Variants in CPD observed in about 807,000 individuals in gnomAD.
The protein encoded by CPD is metallocarboxypeptidase D.
A neutral mutation model predicts 138.3 loss-of-function variants in CPD; 69 were observed. The observed-to-expected ratio is 0.50, with a 90% CI of 0.41 to 0.61. The LOEUF (loss-of-function observed/expected upper bound fraction) is 0.61. CPD is among the 20% of genes least tolerant of loss of function. The pLI, the probability that CPD is intolerant of heterozygous loss-of-function variation, is 0.00. For synonymous variants in CPD, 651 were observed against 642.1 expected (o/e 1.01, Z -0.21); for missense variants, 1,432 against 1,733.3 (o/e 0.83, Z 3.09).
At chr17:30,438,000 C>CTTTTTTT (rs963626144) in intron 8 of CPD, among the ~76,000 whole-genome samples, 21 of 89,458 alleles carry the variant, frequency 2.3e-4, no homozygotes, top group African/African-American at 2.9e-4. Flanking sequence ...CCATGTGTGG[C>CTTTTTTT]TTTTTTTTTT....
chr17:30,386,576 G>C (rs757766683), intron 2 of CPD, among the ~76,000 whole-genome samples: 1 of 151,856 alleles, frequency 6.6e-6, no homozygotes, highest in Admixed American at 6.6e-5. Flanking sequence ...ACAGAAACTC[G>C]GTAGGCATTA....
intron 2 of CPD, among the ~76,000 whole-genome samples, chr17:30,411,146 G>A (rs1347236012): frequency 3.3e-5 from 5 of 152,160 alleles, no homozygotes; most frequent in Non-Finnish European, 7.4e-5. Flanking sequence ...TGAAATTCTG[G>A]ATTGAAAATT....
chr17:30,458,534 CCTCCCTG>C lies in CPD; in HGVS notation c.3498+2017_3498+2023del, dbSNP rs544435727. Among the ~76,000 whole-genome samples the C allele has an allele frequency of 5.0e-3, 760 of 152,084 alleles. 7 individuals carry two copies. Among genetic ancestry groups the C allele is most frequent in the Non-Finnish European group, 7.4e-3 (501 of 68,014 alleles). ...GCGGGGTACATGGCCCCCCTGCCCA[CCTCCCTG>C]CTCCCTGCCGCCTATCCTTGTGTTT... On this transcript the variant is annotated intron_variant, in intron 17 of 20. Coordinates refer to ENST00000225719, the MANE Select transcript of CPD (RefSeq NM_001304.5).
At chr17:30,433,490 G>A (rs1257366793) in intron 8 of CPD, among the ~76,000 whole-genome samples, 1 of 152,082 alleles carries the variant, frequency 6.6e-6, no homozygotes, top group African/African-American at 2.4e-5. Context: ...TCTCCTAAGG[G>A]TCTTGTACAC....
chr17:30,399,927 G>T (rs1911608731), intron 2 of CPD, among the ~76,000 whole-genome samples: 1 of 152,132 alleles, frequency 6.6e-6, no homozygotes, highest in Admixed American at 6.5e-5. Context: ...GGAGGCAGAG[G>T]TTACAGTGAG....
At chr17:30,400,824 A>ATTT (rs778290874) in intron 2 of CPD, among the ~76,000 whole-genome samples, 1 of 125,784 alleles carries the variant, frequency 8.0e-6, no homozygotes, top group Non-Finnish European at 1.7e-5. Flanking sequence ...CGCCCGGTTA[A>ATTT]TTTTTTTTTT....
At chr17:30,426,973 G>C (rs1912429830) in intron 6 of CPD, among the ~76,000 whole-genome samples, 1 of 152,080 alleles carries the variant, frequency 6.6e-6, no homozygotes, top group Non-Finnish European at 1.5e-5. Flanking sequence ...CTGATGTCAG[G>C]AGTTCAAGAC....
chr17:30,462,235 A>T (rs1416054541), intron 19 of CPD, 135 bp from the exon 20 acceptor site: 1 of 1,049,404 alleles, frequency 9.5e-7, no homozygotes, highest in East Asian at 2.6e-5. Context: ...AAAAGGGAAA[A>T]TTTTCTAGCA....
At chr17:30,390,112 G>A (rs1352931369) in intron 2 of CPD, among the ~76,000 whole-genome samples, 1 of 152,010 alleles carries the variant, frequency 6.6e-6, no homozygotes, top group Non-Finnish European at 1.5e-5. Flanking sequence ...TGCCTCCTGG[G>A]TTCAGATGAT....
In CPD at chr17:30,464,688, G is replaced by C; in HGVS notation, c.4017G>C (p.Gln1339His). ...AGGATGGCTTTCATCGGCTCAGGCA[G>C]CATCATGATGAGTATGAAGATGAAA... The part of the protein sequence containing the change: ...RHKDGFHRLR[Q>H]HHDEYEDEIR... Residue 1339 changes from glutamine (Q) to histidine (H), a missense_variant, in exon 21 of 21, where the codon CAG (glutamine) becomes CAC (histidine). Transcript: ENST00000225719. 1 of 1,613,964 alleles carries C rather than the reference G, an allele frequency of 6.2e-7. No homozygotes were observed. The highest frequency in any genetic ancestry group is 1.3e-5 in the African/African-American group (1 of 75,004).
In CPD at chr17:30,464,980, T is replaced by G. The variant is rs1354492073; in HGVS notation, c.*166T>G. 1.3e-5 allele frequency: 8 copies of G among 619,246 alleles called. No individual in the cohort carries two copies. The East Asian group carries it at 2.0e-4, about 15-fold the overall frequency. 38.4% of individuals were successfully genotyped at this position (619,246 alleles called of 1,614,324 possible). On this transcript the variant is annotated 3_prime_UTR_variant, in exon 21 of 21. Coordinates refer to ENST00000225719, the MANE Select transcript of CPD (RefSeq NM_001304.5). Reference sequence around the variant, plus strand: ...GTGAATTTCACTGGCAGTTTTGAACTTCCCTTCCTTAAAGTACTCTAAACC... The same window carrying G: ...GTGAATTTCACTGGCAGTTTTGAACGTCCCTTCCTTAAAGTACTCTAAACC...
intron 2 of CPD, among the ~76,000 whole-genome samples, chr17:30,392,714 CA>C (rs1283004994): frequency 1.3e-5 from 2 of 152,174 alleles, no homozygotes; most frequent in African/African-American, 4.8e-5. Flanking sequence ...TAAGTAGGAA[CA>C]AAACACCTTA....
chr17:30,408,701 TTTG>T (rs1462678309), intron 2 of CPD, among the ~76,000 whole-genome samples: 1 of 152,168 alleles, frequency 6.6e-6, no homozygotes, highest in East Asian at 1.9e-4. Flanking sequence ...CTTAAGGAGA[TTTG>T]GGGCTGAGAC....
At chr17:30,382,387 A>G (rs544140835) in intron 1 of CPD, among the ~76,000 whole-genome samples, 41 of 152,336 alleles carry the variant, frequency 2.7e-4, no homozygotes, top group African/African-American at 9.4e-4. Flanking sequence ...GTGATACTGA[A>G]GTCAAGTATG....
chr17:30,431,970 G>A, intron 8 of CPD, 89 bp downstream of exon 8: 2 of 843,236 alleles, frequency 2.4e-6, no homozygotes, highest in Non-Finnish European at 3.7e-6. Context: ...CAGGTCAAGT[G>A]CTTCCATAGT....
chr17:30,457,839 T>A (rs1204110326), intron 17 of CPD, among the ~76,000 whole-genome samples: 2 of 152,098 alleles, frequency 1.3e-5, no homozygotes, highest in Admixed American at 6.6e-5. Context: ...CCAATTATTT[T>A]TAATTCTTTG....
chr17:30,401,888 T>C (rs773086277), intron 2 of CPD, among the ~76,000 whole-genome samples: 5 of 152,076 alleles, frequency 3.3e-5, no homozygotes, highest in Non-Finnish European at 5.9e-5. Context: ...CTTCTTGAAA[T>C]GTAAGTTTTT....
Position 30,379,275 on chromosome 17 carries a change from C to T in CPD, c.295C>T (p.Leu99Phe), listed in dbSNP as rs1380032998. 5.3e-6 allele frequency: 8 copies of T among 1,511,622 alleles called. No homozygotes were observed. Among genetic ancestry groups the T allele is most frequent in the African/African-American group, 2.9e-5 (2 of 69,130 alleles). The allele number at this position is 1,511,622 out of a possible 1,614,324, so 93.6% of individuals were successfully genotyped here. A position where few individuals can be genotyped will look rare whatever the true frequency, so the allele number is the denominator to read the frequency against. Residue 99 changes from leucine to phenylalanine, a missense_variant, in exon 1 of 21, where the codon CTC becomes TTC. Physicochemically the swap from Leu to Phe is conservative, Grantham distance 22. Around this residue, in one of 6 missense-constraint regions of CPD, gnomAD observed 484 missense variants for 477.2 expected, o/e 1.01. Transcript: ENST00000225719. The surrounding 1 kb of genome is among the most constrained non-coding windows in gnomAD (Gnocchi z 7.0). Reference sequence around the variant, plus strand: ...AGGCCGGCCGCTGTGGGTGCTTCGCCTCACCGCCGGCCTGGGGTCGCTAAT... The same window carrying T: ...AGGCCGGCCGCTGTGGGTGCTTCGCTTCACCGCCGGCCTGGGGTCGCTAAT... ...VEGRPLWVLR[L>F]TAGLGSLIPE...
At chr17:30,451,988 A>G in intron 14 of CPD, 142 bp downstream of exon 14, 1 of 762,310 alleles carries the variant, frequency 1.3e-6, no homozygotes, top group Non-Finnish European at 1.9e-6. Flanking sequence ...GAATTCAGAC[A>G]TCTGGAAAAG....
Sources: allele counts gnomAD v4.1 joint callset (sites outside exome capture counted in the v4.1 genomes callset), GRCh38; gene constraint gnomAD v4.1.1; regional missense constraint gnomAD v4.1.1; non-coding constraint Gnocchi (gnomAD v3.1); transcripts MANE v1.5; gene names NCBI Gene and HGNC (gene_info 2026-07-23, HGNC 2026-07-21).